LMO1: variants seen among roughly 807,000 people sequenced by gnomAD.
The protein encoded by LMO1 is LIM domain only 1, also known as rhombotin-1.
A neutral mutation model predicts 18.0 loss-of-function variants in LMO1; 10 were observed. The observed-to-expected ratio is 0.55, with a 90% confidence interval of 0.34 to 0.94. The LOEUF is 0.94. Among genes scored for constraint, LMO1 ranks in the 40% least tolerant of loss-of-function variants. The probability of loss-of-function intolerance (pLI) is 0.02; values close to 1 mark genes in which losing one functional copy is unlikely to be tolerated. For synonymous variants in LMO1, 77 were observed against 77.9 expected, an observed-to-expected ratio of 0.99 and a Z score of 0.06; for missense variants, 183 against 205.7, an observed-to-expected ratio of 0.89 and a Z score of 0.68.
chr11:8,244,976 C>T (rs577920874), intron 1 of LMO1, among the ~76,000 whole-genome samples: 2 of 152,352 alleles, frequency 1.3e-5, no homozygotes, highest in South Asian at 2.1e-4. Context: ...ATCCTCTTCA[C>T]CCCTCCTCGT....
chr11:8,225,291 A>T (rs1349096558), intron 3 of LMO1, among the ~76,000 whole-genome samples: 1 of 150,842 alleles, frequency 6.6e-6, no homozygotes, highest in Non-Finnish European at 1.5e-5. Context: ...CTGTAATCCC[A>T]TCTACTCGGG....
intron 1 of LMO1, among the ~76,000 whole-genome samples, chr11:8,231,744 G>A (rs1356047984): frequency 6.6e-6 from 1 of 151,904 alleles, no homozygotes; most frequent in Non-Finnish European, 1.5e-5. Flanking sequence ...AAGGACCCCT[G>A]CTCTCTCCAG....
chr11:8,243,583 T>C (rs1846835845), intron 1 of LMO1, among the ~76,000 whole-genome samples: 1 of 152,220 alleles, frequency 6.6e-6, no homozygotes, highest in East Asian at 1.9e-4. Flanking sequence ...CAAGCTGGTA[T>C]GGCCGCAGGC....
Position 8,230,501 on chromosome 11 carries a change from A to G in LMO1, c.29T>C (p.Val10Ala). The change falls in exon 2 of 4, where the codon GTG becomes GCG. Residue 10 changes from valine to alanine, a missense_variant. Coordinates refer to ENST00000335790, the MANE Select transcript of LMO1 (RefSeq NM_002315.3). MMVLDKEDG[V>A]PMLSVQPKGK... Reference sequence around the variant, plus strand: ...TTTGGGCTGGACGGAGAGCATCGGCACGCCTGCAGACGGACAGACAGACAG... The same window carrying G: ...TTTGGGCTGGACGGAGAGCATCGGCGCGCCTGCAGACGGACAGACAGACAG... 15 of 1,611,044 alleles carry G rather than the reference A, an allele frequency of 9.3e-6. No homozygotes were observed. The highest frequency in any genetic ancestry group is 1.3e-5 in the Non-Finnish European group (15 of 1,179,834).
intron 1 of LMO1, among the ~76,000 whole-genome samples, chr11:8,234,021 C>T (rs540684485): frequency 6.6e-6 from 1 of 152,310 alleles, no homozygotes; most frequent in East Asian, 1.9e-4. Context: ...TGCGCCGACA[C>T]GCACGCCTGG....
At chr11:8,246,083 A>G (rs1244897923) in intron 1 of LMO1, among the ~76,000 whole-genome samples, 1 of 152,152 alleles carries the variant, frequency 6.6e-6, no homozygotes, top group African/African-American at 2.4e-5. Context: ...CCGTGATCCA[A>G]TCACCTCCCA....
At chr11:8,227,228 CAATAGGAT>C (rs1952564138) in intron 2 of LMO1, 128 bp from the exon 3 acceptor site, 2 of 1,461,608 alleles carry the variant, frequency 1.4e-6, no homozygotes, top group East Asian at 4.7e-5. Context: ...TGGGCTCAGG[CAATAGGAT>C]AAGAGCACTG....
At chr11:8,265,515 G>A (rs556615578), upstream of LMO1, among the ~76,000 whole-genome samples, 2 of 152,240 alleles carry the variant, frequency 1.3e-5, no homozygotes, top group Middle Eastern at 3.4e-3. Context: ...CAGCTCAGAG[G>A]GTTTCACTTT....
At chr11:8,249,288 T>TG (rs1449168318) in intron 1 of LMO1, among the ~76,000 whole-genome samples, 1 of 152,164 alleles carries the variant, frequency 6.6e-6, no homozygotes, top group African/African-American at 2.4e-5. Flanking sequence ...GACAGGAGTG[T>TG]GGGGCCGTCT....
upstream of LMO1, among the ~76,000 whole-genome samples, chr11:8,264,353 G>A (rs529798325): frequency 6.6e-6 from 1 of 152,150 alleles, no homozygotes. Context: ...GGCCTTGAAA[G>A]CTTTTCTCAT....
At chr11:8,227,999 C>T (rs1412299848) in intron 2 of LMO1, among the ~76,000 whole-genome samples, 1 of 152,182 alleles carries the variant, frequency 6.6e-6, no homozygotes, top group African/African-American at 2.4e-5. Context: ...AATCTTTTTT[C>T]CATGACAAAC....
At chr11:8,230,923 G>A (rs572880283) in intron 1 of LMO1, among the ~76,000 whole-genome samples, 2 of 152,340 alleles carry the variant, frequency 1.3e-5, no homozygotes, top group Admixed American at 6.5e-5. Flanking sequence ...GGCCCACGAG[G>A]TCCTCTAGAA....
At chr11:8,252,443 C>G (rs1847017542) in intron 1 of LMO1, among the ~76,000 whole-genome samples, 1 of 152,248 alleles carries the variant, frequency 6.6e-6, no homozygotes, top group Non-Finnish European at 1.5e-5. Context: ...CCCAGTGATC[C>G]TGCCTCCTGG....
chr11:8,229,420 C>T (rs1001016823), intron 2 of LMO1, among the ~76,000 whole-genome samples: 2 of 152,176 alleles, frequency 1.3e-5, no homozygotes, highest in African/African-American at 2.4e-5. Context: ...GCCCTTGCCC[C>T]GACCTGTTAA....
chr11:8,262,648 G>A (rs940887658), intron 1 of LMO1, among the ~76,000 whole-genome samples: 17 of 152,208 alleles, frequency 1.1e-4, no homozygotes, highest in African/African-American at 4.1e-4. Flanking sequence ...CCGCACAAGT[G>A]CTACCGGCCG....
In LMO1 at chr11:8,263,379, C is replaced by T; in HGVS notation, c.-17G>A. ...CACCATCATCTCGGGCGCTCCGTGT[C>T]CAGCCGCAGCTAGGCTCGGCCGGGA... is the stretch of plus-strand genomic sequence containing the variant. On this transcript the variant is annotated 5_prime_UTR_variant, in exon 1 of 4. Coordinates refer to ENST00000335790, the MANE Select transcript of LMO1 (RefSeq NM_002315.3). 1.2e-6 allele frequency: 2 copies of T among 1,602,980 alleles called. No homozygotes were observed. Among genetic ancestry groups the T allele is most frequent in the Non-Finnish European group, 1.7e-6 (2 of 1,178,012 alleles).
At chr11:8,260,308 G>A (rs1847164603) in intron 1 of LMO1, among the ~76,000 whole-genome samples, 1 of 152,186 alleles carries the variant, frequency 6.6e-6, no homozygotes, top group Non-Finnish European at 1.5e-5. Flanking sequence ...AGCCGCAGGT[G>A]CCAGGGGAAG....
intron 1 of LMO1, among the ~76,000 whole-genome samples, chr11:8,248,308 T>C (rs965745793): frequency 6.6e-6 from 1 of 152,226 alleles, no homozygotes; most frequent in African/African-American, 2.4e-5. Flanking sequence ...TCCGAAGCCT[T>C]TGCCATGGAA....
At chr11:8,225,404 CAAAAAAAA>C (rs34847129) in intron 3 of LMO1, among the ~76,000 whole-genome samples, 4 of 34,722 alleles carry the variant, frequency 1.2e-4, no homozygotes, top group South Asian at 2.0e-3. Flanking sequence ...GACTCCATCT[CAAAAAAAA>C]AAAAAAAAAA....
Sources: gnomAD v4.1 joint callset for allele counts (sites outside exome capture counted in the v4.1 genomes callset) on GRCh38, gnomAD v4.1.1 for gene constraint, MANE v1.5 for transcripts, NCBI Gene and HGNC (gene_info 2026-07-23, HGNC 2026-07-21) for gene names.